PHF12: variants seen among roughly 807,000 people sequenced by gnomAD.
The protein encoded by PHF12 is PHD finger protein 12, also known as PHD factor 1.
A neutral mutation model predicts 99.8 loss-of-function variants in PHF12; 6 were observed. The ratio of observed to expected loss-of-function variants is 0.06; its 90% CI spans 0.03 to 0.12. The LOEUF (loss-of-function observed/expected upper bound fraction) is 0.12, where lower values mean the gene tolerates loss of function less well. PHF12 is among the 10% of genes least tolerant of loss of function. The pLI is 1.00. For synonymous variants in PHF12, 480 were observed against 514.9 expected (o/e 0.93, Z 0.92); for missense variants, 954 against 1,300.1 (o/e 0.73, Z 4.09).
At chr17:28,924,336 AG>A in intron 3 of PHF12, 34 bp from the exon 4 acceptor site, 1 of 1,613,782 alleles carries the variant, frequency 6.2e-7, no homozygotes, top group East Asian at 2.2e-5. Context: ...CATCATGAAA[AG>A]TACCATGAAA....
At chr17:28,937,585 T>G (rs2040532449) in intron 2 of PHF12, among the ~76,000 whole-genome samples, 1 of 152,212 alleles carries the variant, frequency 6.6e-6, no homozygotes, top group Non-Finnish European at 1.5e-5. Context: ...TGGCTGACTG[T>G]GCCCCCAAGT....
intron 2 of PHF12, among the ~76,000 whole-genome samples, chr17:28,939,244 A>G (rs1288597044): frequency 6.6e-6 from 1 of 152,238 alleles, no homozygotes; most frequent in Admixed American, 6.5e-5. Context: ...CAAAACAAAA[A>G]TGACAAAGCA....
rs372423347 is a variant in PHF12, at chr17:28,907,735, G to C, written c.2459-63C>G. The stretch of plus-strand genomic sequence containing the variant: ...GAACAGATTGTAAGGTGCATGTGTC[G>C]GGGAGGTAAGACAGGGAGAGAGTTA... On this transcript the variant is annotated intron_variant, in intron 12 of 14. Coordinates refer to ENST00000332830, the MANE Select transcript of PHF12 (RefSeq NM_001033561.2). 2.0e-6 allele frequency: 3 copies of C among 1,507,286 alleles called. No individual in the cohort carries two copies. In the East Asian group the frequency reaches 6.8e-5, roughly 34 times the overall value. 93.4% of individuals were successfully genotyped at this position (1,507,286 alleles called of 1,614,324 possible).
intron 9 of PHF12, chr17:28,911,438 C>G: frequency 3.2e-6 from 2 of 623,942 alleles, no homozygotes; most frequent in South Asian, 4.0e-5. Context: ...CCCAGGCACG[C>G]AGGAGTCTCC....
intron 2 of PHF12, chr17:28,944,390 C>A: frequency 1.4e-6 from 1 of 710,388 alleles, no homozygotes; most frequent in Non-Finnish European, 1.7e-6. Flanking sequence ...AAGAGTATAA[C>A]CTCCTTTTCC....
rs750182502 is a variant in PHF12, at chr17:28,924,198, C to T, written c.426G>A (p.Ser142=). ...TGGCCTTTAGTTCAGTTTTGCTGGC[C>T]GATCTGTCCAACAAGTCAGTGTCAC... ...PSSDTDLLDR[S]ASKTELKAIA... The change falls in exon 4 of 15, where the codon TCG becomes TCA. Residue 142 remains serine, a synonymous_variant. Transcript: ENST00000332830. The T allele has an allele frequency of 9.3e-6, 15 of 1,614,046 alleles. No homozygotes were observed. The highest frequency in any genetic ancestry group is 8.9e-5 in the East Asian group (4 of 44,894).
Position 28,911,210 on chromosome 17 carries a change from G to C in PHF12, c.2117C>G (p.Ser706Cys). 3 of 1,614,164 alleles carry C rather than the reference G, an allele frequency of 1.9e-6. No homozygotes were observed. Among genetic ancestry groups the C allele is most frequent in the Non-Finnish European group, 2.5e-6 (3 of 1,180,022 alleles). The part of the protein sequence containing the change: ...SDGKVSPGTL[S>C]IGSALTVPSF... The stretch of plus-strand genomic sequence containing the variant: ...GGGTACGGTTAAAGCGCTTCCTATG[G>C]ATAACGTGCCGGGGCTGACCTTGCC... Residue 706 changes from serine to cysteine, a missense_variant, in exon 10 of 15, where the codon TCC (serine) becomes TGC (cysteine). This residue lies in a region of PHF12 where 143 missense variants were observed against 191.8 expected (regional missense o/e 0.75). Coordinates refer to ENST00000332830, the MANE Select transcript of PHF12 (RefSeq NM_001033561.2).
chr17:28,913,298 AG>A (rs771410322), intron 8 of PHF12, 21 bp from the exon 9 acceptor site: 6 of 1,582,920 alleles, frequency 3.8e-6, no homozygotes, highest in African/African-American at 2.7e-5. Flanking sequence ...AGGAGAGGAG[AG>A]GGGGGTGAGA....
At chr17:28,916,691 T>C (rs528036361) in intron 7 of PHF12, among the ~76,000 whole-genome samples, 1 of 152,336 alleles carries the variant, frequency 6.6e-6, no homozygotes, top group Non-Finnish European at 1.5e-5. Flanking sequence ...TACCACCAAA[T>C]GCTTTTCAAG....
chr17:28,943,486 C>T (rs963975128), intron 2 of PHF12, among the ~76,000 whole-genome samples: 3 of 151,896 alleles, frequency 2.0e-5, no homozygotes, highest in Non-Finnish European at 2.9e-5. Flanking sequence ...AAAAATTAGT[C>T]GGGCGTGGTG....
At chr17:28,931,532 C>T (rs1029101575) in intron 2 of PHF12, among the ~76,000 whole-genome samples, 4 of 151,698 alleles carry the variant, frequency 2.6e-5, no homozygotes, top group African/African-American at 7.3e-5. Context: ...ACTGGGATTA[C>T]AGGCGTGAGC....
At chr17:28,942,618 C>A (rs529238491) in intron 2 of PHF12, among the ~76,000 whole-genome samples, 1 of 152,030 alleles carries the variant, frequency 6.6e-6, no homozygotes, top group Non-Finnish European at 1.5e-5. Flanking sequence ...GAGTTTGAGA[C>A]CAGCCTGACC....
chr17:28,907,501 C>A lies in PHF12; in HGVS notation c.2541+89G>T. On this transcript the variant is annotated intron_variant, in intron 13 of 14. Transcript: ENST00000332830. Reference sequence around the variant, plus strand: ...AAGAGAGGACCCCCAATCCCTCTTCCCTCCCCTCAGGGCACTGAACAAAAA... The same window carrying A: ...AAGAGAGGACCCCCAATCCCTCTTCACTCCCCTCAGGGCACTGAACAAAAA... The A allele has an allele frequency of 3.8e-6, 5 of 1,325,000 alleles. No individual in the cohort carries two copies. In the South Asian group the frequency reaches 6.1e-5, roughly 16 times the overall value. 82.1% of individuals were successfully genotyped at this position (1,325,000 alleles called of 1,614,324 possible). A position where few individuals can be genotyped will look rare whatever the true frequency, so the allele number is the denominator to read the frequency against.
At chr17:28,923,781 A>C in intron 4 of PHF12, 128 bp downstream of exon 4, 1 of 1,182,984 alleles carries the variant, frequency 8.5e-7, no homozygotes, top group Non-Finnish European at 1.2e-6. Context: ...GATCTCTCCA[A>C]GCAGAACTAG....
chr17:28,951,026 TGAG>T lies in PHF12; in HGVS notation c.-69_-67del. On this transcript the variant is annotated 5_prime_UTR_variant, in exon 1 of 15. Transcript: ENST00000332830. ...CCCAACCCCGGGGGGAGGGGGGAGG[TGAG>T]GGGAGGGGGCGCTCCTGACCCCGGC... is the stretch of plus-strand genomic sequence containing the variant. The T allele has an allele frequency of 6.2e-7, 1 of 1,603,108 alleles. No homozygotes were observed. Among genetic ancestry groups the T allele is most frequent in the Middle Eastern group, 1.7e-4 (1 of 6,024 alleles).
chr17:28,944,295 T>C (rs1343346355), intron 2 of PHF12, among the ~76,000 whole-genome samples: 4 of 152,194 alleles, frequency 2.6e-5, no homozygotes, highest in Non-Finnish European at 5.9e-5. Context: ...TGGCAATTAA[T>C]TTTGGGACAG....
At chr17:28,925,033 C>A (rs553154294) in intron 3 of PHF12, 1 of 151,554 alleles carries the variant, frequency 6.6e-6, no homozygotes, top group East Asian at 1.9e-4. Context: ...AAACTTTGCT[C>A]AAAATAAGTG....
chr17:28,946,983 A>G (rs2040732342), intron 2 of PHF12, among the ~76,000 whole-genome samples: 1 of 151,692 alleles, frequency 6.6e-6, no homozygotes, highest in African/African-American at 2.4e-5. Flanking sequence ...GTAATAGGAC[A>G]ATTTTTTTTT....
chr17:28,907,009 G>A lies in PHF12; in HGVS notation c.2542-15C>T. ...TGTTTGGTATTCTGAGGAGGAGGAG[G>A]GGAGATAAGATGTGTGGTCTGCTGT... On this transcript the variant is annotated splice_polypyrimidine_tract_variant and intron_variant, in intron 13 of 14. Transcript: ENST00000332830. The A allele has an allele frequency of 3.1e-6, 5 of 1,596,910 alleles. No homozygotes were observed. Among genetic ancestry groups the A allele is most frequent in the South Asian group, 1.1e-5 (1 of 87,876 alleles).
Sources: gnomAD v4.1 joint callset for allele counts (sites outside exome capture counted in the v4.1 genomes callset) on GRCh38, gnomAD v4.1.1 for gene constraint, gnomAD v4.1.1 regional missense constraint, MANE v1.5 for transcripts, NCBI Gene and HGNC (gene_info 2026-07-23, HGNC 2026-07-21) for gene names.